The following TBC1D14 variants were observed in gnomAD, a reference collection of about 807,000 sequenced individuals.
TBC1D14 encodes the protein TBC1 domain family member 14, also known as TBC1 domain family, member 14.
In TBC1D14, 26 loss-of-function variants were observed where a neutral mutation model predicts 79.0. The observed-to-expected ratio is 0.33, with a 90% CI of 0.24 to 0.46. The LOEUF is 0.46. TBC1D14 is among the 20% of genes least tolerant of loss of function. TBC1D14 has a pLI of 1.00. For synonymous variants in TBC1D14, 394 were observed against 349.9 expected, an observed-to-expected ratio of 1.13 and a Z score of -1.40; for missense variants, 769 against 887.6, an observed-to-expected ratio of 0.87 and a Z score of 1.70.
chr4:6,978,310 T>TG (rs1316397119), intron 3 of TBC1D14, among the ~76,000 whole-genome samples: 1 of 149,138 alleles, frequency 6.7e-6, no homozygotes, highest in Non-Finnish European at 1.5e-5. Context: ...GGGGGAAAGG[T>TG]GGGGAAAAGA....
intron 2 of TBC1D14, among the ~76,000 whole-genome samples, chr4:6,959,106 G>C (rs1479803067): frequency 2.6e-5 from 4 of 151,918 alleles, no homozygotes; most frequent in African/African-American, 4.8e-5. Flanking sequence ...GGGATGGTCT[G>C]CATCTCCTGA....
intron 2 of TBC1D14, among the ~76,000 whole-genome samples, chr4:6,944,221 G>C (rs1382317696): frequency 6.6e-6 from 1 of 152,058 alleles, no homozygotes; most frequent in Non-Finnish European, 1.5e-5. Context: ...GATAAAAATG[G>C]ATGCTGTTTC....
intron 3 of TBC1D14, among the ~76,000 whole-genome samples, chr4:6,987,814 G>A (rs1430678736): frequency 1.3e-5 from 2 of 152,210 alleles, no homozygotes; most frequent in African/African-American, 4.8e-5. Flanking sequence ...GCAACCGGGC[G>A]TGTTAAAACC....
intron 2 of TBC1D14, among the ~76,000 whole-genome samples, chr4:6,966,365 G>T (rs1249717399): frequency 1.3e-5 from 2 of 152,106 alleles, no homozygotes; most frequent in Non-Finnish European, 2.9e-5. Context: ...ACTACTAGTT[G>T]GGATTTATTT....
intron 3 of TBC1D14, chr4:6,987,439 C>G: frequency 6.6e-6 from 8 of 1,214,738 alleles, no homozygotes; most frequent in Non-Finnish European, 8.4e-6. Context: ...GCCAGCCCTG[C>G]GGCCCCGCGC....
At chr4:6,948,910 TCTCCTGG>T in intron 2 of TBC1D14, among the ~76,000 whole-genome samples, 1 of 150,386 alleles carries the variant, frequency 6.6e-6, no homozygotes, top group Non-Finnish European at 1.5e-5. Flanking sequence ...ATGTTGGCCA[TCTCCTGG>T]CCGGGCGTGG....
chr4:7,015,907 G>A (rs187672621), intron 12 of TBC1D14, among the ~76,000 whole-genome samples: 26 of 152,314 alleles, frequency 1.7e-4, no homozygotes, highest in Non-Finnish European at 1.9e-4. Flanking sequence ...TGTACTATTC[G>A]ACCAGAAAGG....
intron 2 of TBC1D14, among the ~76,000 whole-genome samples, chr4:6,958,690 C>T (rs1022310614): frequency 2.6e-5 from 4 of 152,216 alleles, no homozygotes; most frequent in Non-Finnish European, 1.5e-5. Context: ...CCACCTTGGC[C>T]TACCAAAGTG....
intron 2 of TBC1D14, among the ~76,000 whole-genome samples, chr4:6,940,000 G>A (rs1241534692): frequency 6.6e-6 from 1 of 152,240 alleles, no homozygotes; most frequent in African/African-American, 2.4e-5. Flanking sequence ...CTGTGCCCCT[G>A]GCTCCCGCGG....
At chr4:6,943,543 C>CCT (rs1255921559) in intron 2 of TBC1D14, among the ~76,000 whole-genome samples, 1 of 152,198 alleles carries the variant, frequency 6.6e-6, no homozygotes, top group Non-Finnish European at 1.5e-5. Context: ...TGACGCCCTG[C>CCT]CTCTGCACCT....
At position 6,923,790 on chromosome 4, in the gene TBC1D14, G is replaced by C. The variant is rs1577464071; in HGVS notation, c.401G>C (p.Gly134Ala). 1 of 1,614,122 alleles carries C rather than the reference G, an allele frequency of 6.2e-7. No individual in the cohort carries two copies. ...AAATCCTCCACGTTTCCCAGGACAG[G>C]CTATGACTCGGTAAAGCTCTATAGC... ...VRKSSTFPRTGYDSVKLYSPT... is the reference protein window; with the variant it reads ...VRKSSTFPRTAYDSVKLYSPT... The change falls in exon 2 of 14, where the codon GGC becomes GCC. Residue 134 changes from glycine (G) to alanine (A), a missense_variant. Physicochemically the swap from Gly to Ala is moderately conservative, Grantham distance 60. Transcript: ENST00000409757.
Position 7,024,994 on chromosome 4 carries a change from T to C in TBC1D14, c.1758-10T>C, listed in dbSNP as rs145804311. The C allele has an allele frequency of 1.4e-5, 23 of 1,612,034 alleles. No individual in the cohort carries two copies. The East Asian group carries it at 4.9e-4, about 34-fold the overall frequency. Reference sequence around the variant, plus strand: ...TCAAAATCTGAAAAATTCCAACTTTTACCCCCTAGGATCTTTACCTTATAT... The same window carrying C: ...TCAAAATCTGAAAAATTCCAACTTTCACCCCCTAGGATCTTTACCTTATAT... On this transcript the variant is annotated splice_polypyrimidine_tract_variant and intron_variant, in intron 12 of 13. Transcript: ENST00000409757.
chr4:6,924,981 G>A (rs1430098435), intron 2 of TBC1D14, among the ~76,000 whole-genome samples: 4 of 152,146 alleles, frequency 2.6e-5, no homozygotes, highest in Admixed American at 6.6e-5. Context: ...CACAGGGGCT[G>A]TGGAGAGTAC....
intron 2 of TBC1D14, among the ~76,000 whole-genome samples, chr4:6,957,426 T>C (rs1714744645): frequency 6.6e-6 from 1 of 152,182 alleles, no homozygotes; most frequent in South Asian, 2.1e-4. Flanking sequence ...CTTGGACAGA[T>C]GGAGGTGAAA....
chr4:6,970,682 GCCAGGAGC>G, intron 3 of TBC1D14, among the ~76,000 whole-genome samples: 1 of 152,092 alleles, frequency 6.6e-6, no homozygotes. Context: ...GTTCACACTG[GCCAGGAGC>G]TTTGGACCTG....
intron 3 of TBC1D14, among the ~76,000 whole-genome samples, chr4:6,988,239 C>T (rs1231886127): frequency 6.6e-6 from 1 of 152,256 alleles, no homozygotes; most frequent in Non-Finnish European, 1.5e-5. Context: ...CTTTCAGTTT[C>T]GTGCCCTTTT....
chr4:6,993,781 G>C (rs1277818348), intron 3 of TBC1D14, among the ~76,000 whole-genome samples: 1 of 152,158 alleles, frequency 6.6e-6, no homozygotes, highest in African/African-American at 2.4e-5. Flanking sequence ...AGGCTGAAGC[G>C]GGTGGATCAC....
chr4:6,960,493 G>T (rs917520621), intron 2 of TBC1D14, among the ~76,000 whole-genome samples: 1 of 152,136 alleles, frequency 6.6e-6, no homozygotes, highest in Admixed American at 6.5e-5. Context: ...GGCAAATGCA[G>T]ATGCAGGTGT....
rs1261389691 is a variant in TBC1D14 at position 6,916,603 on chromosome 4, TTGAAG to T, written c.-18+6658_-18+6662del. The stretch of plus-strand genomic sequence containing the variant: ...GCCACCCTCCGCTTTCTGACTTGTA[TTGAAG>T]TGAAGATTGTGGCTCTGGTGGCGTG... On this transcript the variant is annotated intron_variant, in intron 1 of 13. Transcript: ENST00000409757. Among the ~76,000 whole-genome samples, 5 of 152,226 alleles carry T rather than the reference TTGAAG, an allele frequency of 3.3e-5. No individual in the cohort carries two copies. The East Asian group carries it at 9.6e-4, about 29-fold the overall frequency.
Sources: gnomAD v4.1 joint callset for allele counts (sites outside exome capture counted in the v4.1 genomes callset) on GRCh38, gnomAD v4.1.1 for gene constraint, MANE v1.5 for transcripts, NCBI Gene and HGNC (gene_info 2026-07-23, HGNC 2026-07-21) for gene names.